RAI1: variants seen among roughly 807,000 people sequenced by gnomAD.
The protein encoded by RAI1 is retinoic acid induced 1.
RAI1 carries 9 observed loss-of-function variants against 123.8 expected under a neutral mutation model. The ratio of observed to expected loss-of-function variants is 0.07; its 90% CI spans 0.04 to 0.13. The LOEUF is 0.13. RAI1 is among the 10% of genes least tolerant of loss of function. RAI1 has a pLI of 1.00. For synonymous variants in RAI1, 1,231 were observed against 1,127.3 expected (o/e 1.09, Z -1.84); for missense variants, 2,256 against 2,545.8 (o/e 0.89, Z 2.45).
chr17:17,805,502 C>T (rs1482517467), intron 4 of RAI1, among the ~76,000 whole-genome samples: 1 of 152,198 alleles, frequency 6.6e-6, no homozygotes, highest in African/African-American at 2.4e-5. Flanking sequence ...GCTCCCGTCG[C>T]TCTCCTAGCA....
chr17:17,757,719 G>A lies in RAI1; in HGVS notation c.-17+33560G>A, dbSNP rs112183529. ...CTGTAATCAGCCCCACACAGCCCCCGCCGCAGGCGCCCATCAGTGCCACTT... is the reference window on the plus strand; with the variant it reads ...CTGTAATCAGCCCCACACAGCCCCCACCGCAGGCGCCCATCAGTGCCACTT... On this transcript the variant is annotated intron_variant, in intron 2 of 5. Coordinates refer to ENST00000353383, the MANE Select transcript of RAI1 (RefSeq NM_030665.4). Among the ~76,000 whole-genome samples, 53 of 152,284 alleles carry A rather than the reference G, an allele frequency of 3.5e-4. 1 individual carries two copies. In the East Asian group the frequency reaches 6.9e-3, roughly 20 times the overall value.
intron 1 of RAI1, among the ~76,000 whole-genome samples, chr17:17,697,730 T>C (rs1915085191): frequency 6.6e-6 from 1 of 152,214 alleles, no homozygotes; most frequent in South Asian, 2.1e-4. Flanking sequence ...GTTAGGTGGC[T>C]TGTGTGTCTG....
chr17:17,767,312 A>G (rs908363486), intron 2 of RAI1, among the ~76,000 whole-genome samples: 5 of 152,110 alleles, frequency 3.3e-5, no homozygotes, highest in Non-Finnish European at 5.9e-5. Context: ...CACCGTATCT[A>G]TGGCAACTCT....
intron 1 of RAI1, among the ~76,000 whole-genome samples, chr17:17,712,104 C>T (rs1004358106): frequency 1.3e-5 from 2 of 152,238 alleles, no homozygotes; most frequent in African/African-American, 2.4e-5. Context: ...CTAATGTCTG[C>T]GCTGTGGGGC....
intron 2 of RAI1, chr17:17,778,536 G>A (rs768055280): frequency 1.7e-5 from 6 of 355,734 alleles, no homozygotes; most frequent in Non-Finnish European, 3.3e-5. Flanking sequence ...CAGGAGCTGG[G>A]ATATGAATCC....
intron 3 of RAI1, chr17:17,802,091 A>C (rs2032481873): frequency 2.1e-6 from 1 of 470,896 alleles, no homozygotes; most frequent in African/African-American, 2.0e-5. Context: ...CCCCGGCCTC[A>C]GGTTTGCTTC....
intron 2 of RAI1, among the ~76,000 whole-genome samples, chr17:17,741,558 C>G (rs1044036060): frequency 1.3e-5 from 2 of 152,242 alleles, no homozygotes; most frequent in African/African-American, 4.8e-5. Context: ...CTGGCCGCCT[C>G]CCTCAGCTGG....
At chr17:17,693,503 T>G (rs1330880995) in intron 1 of RAI1, among the ~76,000 whole-genome samples, 1 of 152,154 alleles carries the variant, frequency 6.6e-6, no homozygotes. Context: ...GCGAGGGGGC[T>G]CCAAAGCCAT....
At chr17:17,754,576 C>T (rs1419463377) in intron 2 of RAI1, among the ~76,000 whole-genome samples, 6 of 152,200 alleles carry the variant, frequency 3.9e-5, no homozygotes, top group Non-Finnish European at 8.8e-5. Flanking sequence ...CCTCCCATGA[C>T]AACTCAAGTT....
chr17:17,729,570 T>C (rs1916202999), intron 2 of RAI1, among the ~76,000 whole-genome samples: 2 of 152,198 alleles, frequency 1.3e-5, no homozygotes, highest in African/African-American at 4.8e-5. Flanking sequence ...TGAGCCTCAG[T>C]TTCCCCTTTG....
chr17:17,684,337 C>T (rs1452227593), intron 1 of RAI1: 1 of 151,986 alleles, frequency 6.6e-6, no homozygotes, highest in African/African-American at 2.4e-5. Context: ...GTCTGTAATC[C>T]TTTTTGTTCT....
chr17:17,809,074 C>CAGAGTAAGGCGGGAGGGAGGG lies in RAI1; in HGVS notation c.5660-313_5660-293dup. Reference sequence around the variant, plus strand: ...AGGAGGCAGTGACAAGTGTGGCTGGCAGAGTAAGGCGGGAGGGAGGGAGGG... The same window carrying CAGAGTAAGGCGGGAGGGAGGG: ...AGGAGGCAGTGACAAGTGTGGCTGGCAGAGTAAGGCGGGAGGGAGGGAGAGTAAGGCGGGAGGGAGGGAGGG... On this transcript the variant is annotated intron_variant, in intron 4 of 5. Coordinates refer to ENST00000353383, the MANE Select transcript of RAI1 (RefSeq NM_030665.4). The surrounding 1 kb of genome is among the most constrained non-coding windows in gnomAD (Gnocchi z 4.9). 2.2e-6 allele frequency: 1 copy of CAGAGTAAGGCGGGAGGGAGGG among 451,992 alleles called. No homozygotes were observed. The highest frequency in any genetic ancestry group is 4.1e-6 in the Non-Finnish European group (1 of 242,820). 28.0% of individuals were successfully genotyped at this position (451,992 alleles called of 1,614,324 possible). A position where few individuals can be genotyped will look rare whatever the true frequency, so the allele number is the denominator to read the frequency against.
At chr17:17,707,088 T>C (rs970083437) in intron 1 of RAI1, among the ~76,000 whole-genome samples, 1 of 152,104 alleles carries the variant, frequency 6.6e-6, no homozygotes, top group Admixed American at 6.5e-5. Context: ...GGCAGGCAGA[T>C]CGCTTGAGTT....
At chr17:17,786,082 C>A (rs539303402) in intron 2 of RAI1, among the ~76,000 whole-genome samples, 4 of 152,190 alleles carry the variant, frequency 2.6e-5, no homozygotes, top group African/African-American at 9.7e-5. Context: ...CCCAAGTGGC[C>A]GCAGTCCGCT....
In RAI1 at chr17:17,687,348, A is replaced by G. The variant is rs1485925427; in HGVS notation, c.-149+5555A>G. On this transcript the variant is annotated intron_variant, in intron 1 of 5. Coordinates refer to ENST00000353383, the MANE Select transcript of RAI1 (RefSeq NM_030665.4). Reference sequence around the variant, plus strand: ...TCTCTGGCCTCGGTCTCATCTGTAAATGGGGGAAGAGTGGACTGCTCTTGC... The same window carrying G: ...TCTCTGGCCTCGGTCTCATCTGTAAGTGGGGGAAGAGTGGACTGCTCTTGC... 1.3e-5 allele frequency among the ~76,000 whole-genome samples: 2 copies of G among 152,036 alleles called. 1 individual carries two copies. The highest frequency in any genetic ancestry group is 3.9e-4 in the East Asian group (2 of 5,186).
intron 1 of RAI1, among the ~76,000 whole-genome samples, chr17:17,696,895 T>G (rs1915055884): frequency 1.3e-5 from 2 of 152,228 alleles, no homozygotes; most frequent in South Asian, 2.1e-4. Context: ...CGAGGCCCCT[T>G]GTCGATCCTG....
chr17:17,682,172 C>T (rs868692142), intron 1 of RAI1, among the ~76,000 whole-genome samples: 1 of 144,180 alleles, frequency 6.9e-6, no homozygotes, highest in Non-Finnish European at 1.5e-5. Flanking sequence ...GGGGTGCATT[C>T]GCGGGGCGCC....
intron 1 of RAI1, among the ~76,000 whole-genome samples, chr17:17,715,042 G>A (rs942533789): frequency 1.3e-5 from 2 of 152,238 alleles, no homozygotes; most frequent in Non-Finnish European, 2.9e-5. Flanking sequence ...CTCTGGAAAC[G>A]GGTTCAGAGA....
At chr17:17,780,526 G>T (rs190204349) in intron 2 of RAI1, among the ~76,000 whole-genome samples, 1 of 152,172 alleles carries the variant, frequency 6.6e-6, no homozygotes, top group East Asian at 1.9e-4. Context: ...CAGGGCCTAG[G>T]ACAGGGGGAC....
Sources: allele counts gnomAD v4.1 joint callset (sites outside exome capture counted in the v4.1 genomes callset), GRCh38; gene constraint gnomAD v4.1.1; non-coding constraint Gnocchi (gnomAD v3.1); transcripts MANE v1.5; gene names NCBI Gene and HGNC (gene_info 2026-07-23, HGNC 2026-07-21).